Variants in NUDT5 observed in about 807,000 individuals in gnomAD.
NUDT5 encodes the protein ADP-sugar pyrophosphatase.
A neutral mutation model predicts 34.1 loss-of-function variants in NUDT5; 21 were observed. That is an observed-to-expected ratio of 0.62 (90% CI 0.44 to 0.89). The LOEUF is 0.89. Ranked by LOEUF, NUDT5 falls within the 40% of genes least tolerant of loss-of-function variation. The probability of loss-of-function intolerance (pLI) is 0.00; values close to 1 mark genes in which losing one functional copy is unlikely to be tolerated. For synonymous variants in NUDT5, 85 were observed against 97.6 expected, an observed-to-expected ratio of 0.87 and a Z score of 0.76; for missense variants, 249 against 274.8, an observed-to-expected ratio of 0.91 and a Z score of 0.66.
chr10:12,191,957 T>A (rs1224698081), intron 1 of NUDT5, among the ~76,000 whole-genome samples: 1 of 152,092 alleles, frequency 6.6e-6, no homozygotes, highest in African/African-American at 2.4e-5. Flanking sequence ...CGTACCCGAA[T>A]CCCGGCCATC....
chr10:12,184,398 G>A, intron 3 of NUDT5: 1 of 1,043,190 alleles, frequency 9.6e-7, no homozygotes, highest in Non-Finnish European at 1.4e-6. Context: ...CTCGGTCAAA[G>A]GGTACAGTAT....
At position 12,195,801 on chromosome 10, in the gene NUDT5, A is replaced by C; in HGVS notation, c.-73T>G. 4.6e-6 allele frequency: 1 copy of C among 217,226 alleles called. No homozygotes were observed. The highest frequency in any genetic ancestry group is 9.5e-6 in the Non-Finnish European group (1 of 105,248). 13.5% of individuals were successfully genotyped at this position (217,226 alleles called of 1,614,324 possible). A position where few individuals can be genotyped will look rare whatever the true frequency, so the allele number is the denominator to read the frequency against. On this transcript the variant is annotated 5_prime_UTR_variant, in exon 1 of 10. Coordinates refer to ENST00000491614, the MANE Select transcript of NUDT5 (RefSeq NM_014142.4). ...GTGTAGGGGTGAAGAACGGAAGAGG[A>C]CGAAATAACTAGCTGGAGGCAGCAG...
rs1232177054 is a variant in NUDT5 at position 12,168,084 on chromosome 10, G to A, written c.551-273C>T. ...CTGTTGCCCAAGCTAGAGGGCAATG[G>A]CGTGATCTCGGCTCACTGCAACCTC... On this transcript the variant is annotated intron_variant, in intron 9 of 9. Coordinates refer to ENST00000491614, the MANE Select transcript of NUDT5 (RefSeq NM_014142.4). The surrounding 1 kb of genome is among the most constrained non-coding windows in gnomAD (Gnocchi z 4.8). 3.9e-5 allele frequency among the ~76,000 whole-genome samples: 6 copies of A among 151,922 alleles called. No homozygotes were observed. Among genetic ancestry groups the A allele is most frequent in the African/African-American group, 1.5e-4 (6 of 41,328 alleles).
chr10:12,172,372 T>C (rs759997861), intron 7 of NUDT5: 10 of 207,186 alleles, frequency 4.8e-5, no homozygotes, highest in South Asian at 2.4e-4. Context: ...GTGATCCTCC[T>C]GCCTCACCTT....
Position 12,170,698 on chromosome 10 carries a change from C to T in NUDT5, c.550+19G>A, listed in dbSNP as rs753209247. Reference sequence around the variant, plus strand: ...GGGGAGAACTGGAGAAACTGGGTGGCGGTCTGGAGAATGCTTACCATCAAG... The same window carrying T: ...GGGGAGAACTGGAGAAACTGGGTGGTGGTCTGGAGAATGCTTACCATCAAG... On this transcript the variant is annotated intron_variant, in intron 9 of 9. Transcript: ENST00000491614. This position sits in a 1 kb window ranked among gnomAD's most constrained non-coding sequence, Gnocchi z 4.9. 39 of 1,611,430 alleles carry T rather than the reference C, an allele frequency of 2.4e-5. No homozygotes were observed. The highest frequency in any genetic ancestry group is 2.0e-4 in the Middle Eastern group (1 of 5,104).
Position 12,167,348 on chromosome 10 carries a change from G to C in NUDT5, c.*354C>G, listed in dbSNP as rs1225344821. 5.4e-6 allele frequency: 1 copy of C among 186,476 alleles called. No individual in the cohort carries two copies. The highest frequency in any genetic ancestry group is 1.1e-5 in the Non-Finnish European group (1 of 88,624). 11.6% of individuals were successfully genotyped at this position (186,476 alleles called of 1,614,324 possible). A position where few individuals can be genotyped will look rare whatever the true frequency, so the allele number is the denominator to read the frequency against. ...AATTTTATATTGGGGGTTGAGAGTGGAAATGACCTAATTGAGAACTCAGGT... is the reference window on the plus strand; with the variant it reads ...AATTTTATATTGGGGGTTGAGAGTGCAAATGACCTAATTGAGAACTCAGGT... On this transcript the variant is annotated 3_prime_UTR_variant, in exon 10 of 10. Coordinates refer to ENST00000491614, the MANE Select transcript of NUDT5 (RefSeq NM_014142.4).
rs780089791 is a variant in NUDT5 at position 12,177,751 on chromosome 10, G to A, written c.289+42C>T. On this transcript the variant is annotated intron_variant, in intron 5 of 9. Coordinates refer to ENST00000491614, the MANE Select transcript of NUDT5 (RefSeq NM_014142.4). ...AGTTCTCAGGCTTTACCCTGGTTCA[G>A]GCCAACATCCCTAAGAAGCAATTCG... 6 of 1,410,418 alleles carry A rather than the reference G, an allele frequency of 4.3e-6. 1 individual carries two copies. The East Asian group carries it at 1.4e-4, about 32-fold the overall frequency. The allele number at this position is 1,410,418 out of a possible 1,614,324, so 87.4% of individuals were successfully genotyped here.
chr10:12,188,887 T>C (rs1381952469), intron 1 of NUDT5, among the ~76,000 whole-genome samples: 1 of 152,034 alleles, frequency 6.6e-6, no homozygotes, highest in Non-Finnish European at 1.5e-5. Flanking sequence ...TTAAAAAGGA[T>C]GAGAAGTGTG....
chr10:12,192,852 A>G (rs1464725031), intron 1 of NUDT5, among the ~76,000 whole-genome samples: 1 of 152,216 alleles, frequency 6.6e-6, no homozygotes, highest in Non-Finnish European at 1.5e-5. Context: ...CTCTGTCTCA[A>G]AAGAAAAAAA....
In NUDT5 at chr10:12,168,495, G is replaced by A. The variant is rs1036878388; in HGVS notation, c.551-684C>T. Among the ~76,000 whole-genome samples, 2 of 152,078 alleles carry A rather than the reference G, an allele frequency of 1.3e-5. No individual in the cohort carries two copies. Among genetic ancestry groups the A allele is most frequent in the African/African-American group, 4.8e-5 (2 of 41,412 alleles). ...TGCTAGGGGATACATATGTTCCCCC[G>A]GCAAGTTAAACTGTGTGCATGTTAG... On this transcript the variant is annotated intron_variant, in intron 9 of 9. Coordinates refer to ENST00000491614, the MANE Select transcript of NUDT5 (RefSeq NM_014142.4). The surrounding 1 kb of genome is among the most constrained non-coding windows in gnomAD (Gnocchi z 4.8).
rs1467111156 is a variant in NUDT5, at chr10:12,170,212, A to G, written c.550+505T>C. On this transcript the variant is annotated intron_variant, in intron 9 of 9. Transcript: ENST00000491614. The surrounding 1 kb of genome is among the most constrained non-coding windows in gnomAD (Gnocchi z 4.9). ...TGCATCTACATGACCAGTGATTTCT[A>G]AGGGCCACACAGCTGGTTTGGTTTA... 9.3e-6 allele frequency: 15 copies of G among 1,610,468 alleles called. No homozygotes were observed. Among genetic ancestry groups the G allele is most frequent in the Non-Finnish European group, 1.3e-5 (15 of 1,177,786 alleles).
intron 9 of NUDT5, 88 bp from the exon 10 acceptor site, chr10:12,167,899 A>G: frequency 6.4e-7 from 1 of 1,560,356 alleles, no homozygotes; most frequent in South Asian, 1.2e-5. Flanking sequence ...AGCAGGTACT[A>G]CTATATGTCA....
intron 3 of NUDT5, chr10:12,184,371 T>G (rs1588660711): frequency 2.2e-6 from 2 of 889,710 alleles, no homozygotes. Context: ...CTTAACACTT[T>G]GTTAAAACTG....
chr10:12,188,709 G>A (rs969488001), intron 1 of NUDT5, among the ~76,000 whole-genome samples: 8 of 117,722 alleles, frequency 6.8e-5, no homozygotes, highest in Non-Finnish European at 1.1e-4. Context: ...GCAGCCTGGC[G>A]ACAGAGCAAG....
chr10:12,175,045 C>T lies in NUDT5; in HGVS notation c.290-1232G>A, dbSNP rs1422124234. ...AATTAAAAAATATAATAAGGCTGGGCGTGGCGGCCCACACCTGTAACCCCA... is the reference window on the plus strand; with the variant it reads ...AATTAAAAAATATAATAAGGCTGGGTGTGGCGGCCCACACCTGTAACCCCA... On this transcript the variant is annotated intron_variant, in intron 5 of 9. Transcript: ENST00000491614. This position sits in a 1 kb window ranked among gnomAD's most constrained non-coding sequence, Gnocchi z 4.8. Among the ~76,000 whole-genome samples, 2 of 152,158 alleles carry T rather than the reference C, an allele frequency of 1.3e-5. No homozygotes were observed. Among genetic ancestry groups the T allele is most frequent in the African/African-American group, 4.8e-5 (2 of 41,446 alleles).
In NUDT5 at chr10:12,177,778, T is replaced by G; in HGVS notation, c.289+15A>C. 1 of 1,583,848 alleles carries G rather than the reference T, an allele frequency of 6.3e-7. No individual in the cohort carries two copies. The highest frequency in any genetic ancestry group is 8.7e-7 in the Non-Finnish European group (1 of 1,152,266). On this transcript the variant is annotated intron_variant, in intron 5 of 9. Coordinates refer to ENST00000491614, the MANE Select transcript of NUDT5 (RefSeq NM_014142.4). ...CCAACATCCCTAAGAAGCAATTCGA[T>G]GTTGAGTGACTCACCTGCAGGGAAC...
At chr10:12,178,897 A>G (rs1834999334) in intron 4 of NUDT5, 186 bp downstream of exon 4, 6 of 612,740 alleles carry the variant, frequency 9.8e-6, no homozygotes, top group Non-Finnish European at 1.5e-5. Flanking sequence ...TTTTGGGCTT[A>G]GATAACAGAA....
intron 3 of NUDT5, 74 bp from the exon 4 acceptor site, chr10:12,179,206 C>G: frequency 3.2e-6 from 4 of 1,261,024 alleles, no homozygotes; most frequent in Non-Finnish European, 4.6e-6. Context: ...TCTGTACAAC[C>G]AGAACTTCTT....
chr10:12,190,421 C>G (rs527802837), intron 1 of NUDT5, among the ~76,000 whole-genome samples: 51 of 152,152 alleles, frequency 3.4e-4, no homozygotes, highest in Non-Finnish European at 6.0e-4. Flanking sequence ...TTCGAGAGCA[C>G]CAGCAGTGGA....
Sources: allele counts gnomAD v4.1 joint callset (sites outside exome capture counted in the v4.1 genomes callset), GRCh38; gene constraint gnomAD v4.1.1; non-coding constraint Gnocchi (gnomAD v3.1); transcripts MANE v1.5; gene names NCBI Gene and HGNC (gene_info 2026-07-23, HGNC 2026-07-21).